PAK5: variants seen among roughly 807,000 people sequenced by gnomAD.
PAK5 encodes serine/threonine-protein kinase PAK 5.
In PAK5, 16 loss-of-function variants were observed where a neutral mutation model predicts 65.9. The observed-to-expected ratio is 0.24, with a 90% CI of 0.16 to 0.37. The LOEUF (loss-of-function observed/expected upper bound fraction) is 0.37, where lower values mean the gene tolerates loss of function less well. PAK5 is among the 10% of genes least tolerant of loss of function. The pLI is 1.00. For missense variants in PAK5, 785 were observed against 903.9 expected (o/e 0.87, Z 1.69); for synonymous variants, 371 against 354.9 (o/e 1.05, Z -0.51).
In PAK5 at chr20:9,781,362, A is replaced by C. The variant is rs150945474; in HGVS notation, c.-162+57400T>G. The stretch of plus-strand genomic sequence containing the variant: ...CTCAATGTGACAGCTCACCCATAGA[A>C]GGCCACTGTGAGAAAGGTAAGTTAA... On this transcript the variant is annotated intron_variant, in intron 1 of 9. Coordinates refer to ENST00000353224, the MANE Select transcript of PAK5 (RefSeq NM_177990.4). Among the ~76,000 whole-genome samples the C allele has an allele frequency of 9.5e-4, 144 of 152,316 alleles. 1 individual carries two copies. The highest frequency in any genetic ancestry group is 3.4e-3 in the African/African-American group (140 of 41,588).
rs1979303562 is a variant in PAK5, at chr20:9,838,167, T to C, written c.-162+595A>G. Among the ~76,000 whole-genome samples the C allele has an allele frequency of 6.6e-6, 1 of 150,504 alleles. No homozygotes were observed. Among genetic ancestry groups the C allele is most frequent in the Non-Finnish European group, 1.5e-5 (1 of 67,858 alleles). ...CAGAAGTTCTCTCTCTGTCTCTCCA[T>C]TACAACCCACCAGGCGCGCGCGCAC... On this transcript the variant is annotated intron_variant, in intron 1 of 9. Transcript: ENST00000353224. This position sits in a 1 kb window ranked among gnomAD's most constrained non-coding sequence, Gnocchi z 4.5.
At chr20:9,597,933 G>C (rs1422330864) in intron 3 of PAK5, among the ~76,000 whole-genome samples, 3 of 152,214 alleles carry the variant, frequency 2.0e-5, no homozygotes, top group Non-Finnish European at 4.4e-5. Context: ...TTGCTGAATT[G>C]TGAGGAACAA....
intron 3 of PAK5, among the ~76,000 whole-genome samples, chr20:9,596,314 A>T (rs1172811335): frequency 6.6e-6 from 1 of 152,086 alleles, no homozygotes; most frequent in Non-Finnish European, 1.5e-5. Flanking sequence ...ACTATATAAA[A>T]AGCTGCCAAT....
At chr20:9,821,075 G>A (rs1034483558) in intron 1 of PAK5, among the ~76,000 whole-genome samples, 4 of 152,084 alleles carry the variant, frequency 2.6e-5, no homozygotes, top group Non-Finnish European at 4.4e-5. Context: ...TGTAAAACAG[G>A]TTTCCTGTCC....
At chr20:9,644,068 T>A in intron 3 of PAK5, 57 bp downstream of exon 3, 1 of 1,281,696 alleles carries the variant, frequency 7.8e-7, no homozygotes. Flanking sequence ...GCTGATGCAG[T>A]GCATTAAATA....
chr20:9,824,331 A>G (rs1488262900), intron 1 of PAK5, among the ~76,000 whole-genome samples: 2 of 152,196 alleles, frequency 1.3e-5, no homozygotes, highest in African/African-American at 4.8e-5. Context: ...AGGCAGGAGG[A>G]TTGTTTAAAG....
intron 2 of PAK5, among the ~76,000 whole-genome samples, chr20:9,692,957 T>G (rs2047817505): frequency 1.3e-5 from 2 of 152,144 alleles, no homozygotes; most frequent in Non-Finnish European, 2.9e-5. Flanking sequence ...ATGAGTTTAC[T>G]AAAAGAATTA....
At chr20:9,550,555 G>C (rs1216624540) in intron 7 of PAK5, among the ~76,000 whole-genome samples, 1 of 152,074 alleles carries the variant, frequency 6.6e-6, no homozygotes, top group Non-Finnish European at 1.5e-5. Flanking sequence ...GGTTTATAAA[G>C]GTATCATTTA....
In PAK5 at chr20:9,629,662, T is replaced by C. The variant is rs114664298; in HGVS notation, c.204+14463A>G. On this transcript the variant is annotated intron_variant, in intron 3 of 9. Coordinates refer to ENST00000353224, the MANE Select transcript of PAK5 (RefSeq NM_177990.4). Reference sequence around the variant, plus strand: ...TATAAAGGCACCAGCCCTATTAGATTAGGGTCCTACCCTTGTGACCTCACA... The same window carrying C: ...TATAAAGGCACCAGCCCTATTAGATCAGGGTCCTACCCTTGTGACCTCACA... Among the ~76,000 whole-genome samples, 907 of 152,284 alleles carry C rather than the reference T, an allele frequency of 6.0e-3. 9 individuals carry two copies. Among genetic ancestry groups the C allele is most frequent in the African/African-American group, 0.02 (837 of 41,540 alleles).
Position 9,538,461 on chromosome 20 carries a change from C to A in PAK5, c.*1001G>T, listed in dbSNP as rs1212127340. 2 of 233,404 alleles carry A rather than the reference C, an allele frequency of 8.6e-6. No individual in the cohort carries two copies. Among genetic ancestry groups the A allele is most frequent in the African/African-American group, 4.4e-5 (2 of 45,310 alleles). The allele number at this position is 233,404 out of a possible 1,614,324, so 14.5% of individuals were successfully genotyped here. ...ACGTCTTGCCCTGTTCTCTCCTCTCCCTTTGTGAGCCTGGAATTCTCATGG... is the reference window on the plus strand; with the variant it reads ...ACGTCTTGCCCTGTTCTCTCCTCTCACTTTGTGAGCCTGGAATTCTCATGG... On this transcript the variant is annotated 3_prime_UTR_variant, in exon 10 of 10. Coordinates refer to ENST00000353224, the MANE Select transcript of PAK5 (RefSeq NM_177990.4).
At chr20:9,563,673 T>G (rs1392594598) in intron 5 of PAK5, among the ~76,000 whole-genome samples, 2 of 152,104 alleles carry the variant, frequency 1.3e-5, no homozygotes, top group Non-Finnish European at 2.9e-5. Flanking sequence ...TCCACTCGAG[T>G]TTTCAGAGCT....
intron 1 of PAK5, among the ~76,000 whole-genome samples, chr20:9,795,148 C>T (rs1023429015): frequency 1.3e-5 from 2 of 152,120 alleles, no homozygotes; most frequent in African/African-American, 4.8e-5. Context: ...CATTAGTAGG[C>T]CATGTTGAAG....
rs556093929 is a variant in PAK5, at chr20:9,621,785, G to A, written c.204+22340C>T. On this transcript the variant is annotated intron_variant, in intron 3 of 9. Transcript: ENST00000353224. The stretch of plus-strand genomic sequence containing the variant: ...CACAGCCTCATGCAGCGGGGCCTGC[G>A]GTGTTATGCCTTTCTTTGGGGATGG... 1.2e-4 allele frequency among the ~76,000 whole-genome samples: 18 copies of A among 152,230 alleles called. No individual in the cohort carries two copies. The East Asian group carries it at 1.7e-3, about 15-fold the overall frequency.
At chr20:9,603,780 A>C (rs1166404928) in intron 3 of PAK5, among the ~76,000 whole-genome samples, 1 of 152,152 alleles carries the variant, frequency 6.6e-6, no homozygotes, top group Admixed American at 6.5e-5. Flanking sequence ...TAACAACCGT[A>C]TGAGATTTGC....
At position 9,557,616 on chromosome 20, in the gene PAK5, C is replaced by T. The variant is rs748547848; in HGVS notation, c.1735G>A (p.Asp579Asn). 2.5e-6 allele frequency: 4 copies of T among 1,609,436 alleles called. No homozygotes were observed. The highest frequency in any genetic ancestry group is 2.2e-5 in the East Asian group (1 of 44,626). ...IKSDSILLTS[D>N]GRIKLSDFGF... ...AAACATGAACATCTTACCCGGCCAT[C>T]GCTTGTCAGGAGGATGGAGTCACTT... Residue 579 changes from aspartate to asparagine, a missense_variant, in exon 7 of 10, where the codon GAT (aspartate) becomes AAT (asparagine). By Grantham distance (23) the Asp-to-Asn change is conservative. Around this residue, in one of 4 missense-constraint regions of PAK5, gnomAD observed 182 missense variants for 273.0 expected, o/e 0.67. Transcript: ENST00000353224.
At chr20:9,641,891 C>T (rs1015790770) in intron 3 of PAK5, among the ~76,000 whole-genome samples, 3 of 152,180 alleles carry the variant, frequency 2.0e-5, no homozygotes, top group African/African-American at 7.2e-5. Context: ...GAGTGCGGGG[C>T]CCACCAAGCC....
intron 2 of PAK5, among the ~76,000 whole-genome samples, chr20:9,666,387 GA>G (rs200148322): frequency 2.2e-3 from 256 of 113,822 alleles, no homozygotes; most frequent in Non-Finnish European, 3.1e-3. Flanking sequence ...TGAGAACTTG[GA>G]AAAAAAAAAA....
At chr20:9,539,983 C>A (rs995170304) in intron 9 of PAK5, among the ~76,000 whole-genome samples, 2 of 152,092 alleles carry the variant, frequency 1.3e-5, no homozygotes, top group Non-Finnish European at 2.9e-5. Context: ...TTTTATTTTT[C>A]TAACAACTGC....
At chr20:9,734,266 G>A (rs1168247914) in intron 1 of PAK5, among the ~76,000 whole-genome samples, 1 of 152,280 alleles carries the variant, frequency 6.6e-6, no homozygotes, top group African/African-American at 2.4e-5. Flanking sequence ...TATATTGAGT[G>A]TCAGTATATG....
Sources: gnomAD v4.1 joint callset for allele counts (sites outside exome capture counted in the v4.1 genomes callset) on GRCh38, gnomAD v4.1.1 for gene constraint, gnomAD v4.1.1 regional missense constraint, Gnocchi (gnomAD v3.1) non-coding constraint, MANE v1.5 for transcripts, NCBI Gene and HGNC (gene_info 2026-07-23, HGNC 2026-07-21) for gene names.